Variants in DUXB observed in about 807,000 individuals in gnomAD.
DUXB encodes double homeobox B.
In DUXB, 22 loss-of-function variants were observed where a neutral mutation model predicts 8.9. The ratio of observed to expected loss-of-function variants is 2.46; its 90% CI spans 1.76 to 3.52. The LOEUF is 3.52. Ranked by LOEUF, DUXB falls within the 30% of genes most tolerant of loss-of-function variation. The probability of loss-of-function intolerance (pLI) is 0.00; values close to 1 mark genes in which losing one functional copy is unlikely to be tolerated. For synonymous variants in DUXB, 84 were observed against 37.6 expected, an observed-to-expected ratio of 2.23 and a Z score of -4.52; for missense variants, 237 against 108.7, an observed-to-expected ratio of 2.18 and a Z score of -5.25.
At position 75,696,895 on chromosome 16, in the gene DUXB, A is replaced by C. The variant is rs896315023; in HGVS notation, c.229T>G (p.Cys77Gly). Residue 77 changes from cysteine to glycine, a missense_variant, in exon 3 of 5, where the codon TGC becomes GGC. Physicochemically the swap from Cys to Gly is radical, Grantham distance 159. Transcript: ENST00000633875. Reference protein sequence around the residue: ...RVKQRKLDYKCFSEKDQTQGH... With the variant: ...RVKQRKLDYKGFSEKDQTQGH... ...TGGGTTTGATCTTTTTCTGAGAAGC[A>C]CTTATAATCCAGTTTTCTCTGTTTT... 2.8e-6 allele frequency: 2 copies of C among 702,956 alleles called. No homozygotes were observed. Among genetic ancestry groups the C allele is most frequent in the South Asian group, 1.5e-5 (1 of 67,598 alleles). 43.5% of individuals were successfully genotyped at this position (702,956 alleles called of 1,614,324 possible). A position where few individuals can be genotyped will look rare whatever the true frequency, so the allele number is the denominator to read the frequency against.
rs1457018389 is a variant in DUXB, at chr16:75,695,898, T to C, written c.441+63A>G. The stretch of plus-strand genomic sequence containing the variant: ...CCCAAGTCAGCTGTAAGTTTTTCAA[T>C]AACACCTCCAGGGGGCAGTATCACA... On this transcript the variant is annotated intron_variant, in intron 4 of 4. Transcript: ENST00000633875. 4.4e-6 allele frequency: 3 copies of C among 683,392 alleles called. No individual in the cohort carries two copies. In the Admixed American group the frequency reaches 6.4e-5, roughly 15 times the overall value. The allele number at this position is 683,392 out of a possible 1,614,324, so 42.3% of individuals were successfully genotyped here.
chr16:75,693,952 C>A lies in DUXB; in HGVS notation c.1015G>T (p.Asp339Tyr), dbSNP rs2082581881. 2 of 400,400 alleles carry A rather than the reference C, an allele frequency of 5.0e-6. No individual in the cohort carries two copies. Among genetic ancestry groups the A allele is most frequent in the East Asian group, 7.1e-5 (2 of 28,080 alleles). 24.8% of individuals were successfully genotyped at this position (400,400 alleles called of 1,614,324 possible). Residue 339 changes from aspartate (D) to tyrosine (Y), a missense_variant, in exon 5 of 5, where the codon GAC (aspartate) becomes TAC (tyrosine). Physicochemically the swap from Asp to Tyr is radical, Grantham distance 160 (BLOSUM62 -3). Transcript: ENST00000633875. Reference sequence around the variant, plus strand: ...TCTCAGTGTGTCCCTTTGAGAGGGTCCCATTCAGCAAGCAGAGCCTGGCAG... The same window carrying A: ...TCTCAGTGTGTCCCTTTGAGAGGGTACCATTCAGCAAGCAGAGCCTGGCAG... Reference protein sequence around the residue: ...EICQALLAEWDPLKGTH With the variant: ...EICQALLAEWYPLKGTH
At chr16:75,697,335 A>C (rs896985524) in intron 2 of DUXB, among the ~76,000 whole-genome samples, 2 of 152,236 alleles carry the variant, frequency 1.3e-5, no homozygotes, top group Non-Finnish European at 2.9e-5. Context: ...GTTTCATAAC[A>C]TGCAATACAT....
chr16:75,694,644 A>C, intron 4 of DUXB, 119 bp from the exon 5 acceptor site: 1 of 634,932 alleles, frequency 1.6e-6, no homozygotes, highest in Non-Finnish European at 2.8e-6. Context: ...GTGATTTTAT[A>C]GAGTTGGCTC....
rs1188742295 is a variant in DUXB, at chr16:75,696,102, T to C, written c.300A>G (p.Lys100=). The C allele has an allele frequency of 2.8e-6, 2 of 702,114 alleles. No homozygotes were observed. The highest frequency in any genetic ancestry group is 5.2e-6 in the Non-Finnish European group (2 of 384,980). 43.5% of individuals were successfully genotyped at this position (702,114 alleles called of 1,614,324 possible). Residue 100 remains lysine, a synonymous_variant, in exon 4 of 5, where the codon AAA becomes AAG. Coordinates refer to ENST00000633875, the MANE Select transcript of DUXB (RefSeq NM_001351307.2). The stretch of plus-strand genomic sequence containing the variant: ...TGAATGTCTGTTTTTGTCGGGCTTC[T>C]TTAGGTAAGTATTCTAAAGGAGAAC... ...SQHLTQEYLP[K]EARQKQTFIT... is the part of the protein sequence containing the mutation.
At chr16:75,695,045 T>C (rs1046458314) in intron 4 of DUXB, among the ~76,000 whole-genome samples, 1 of 152,200 alleles carries the variant, frequency 6.6e-6, no homozygotes, top group Non-Finnish European at 1.5e-5. Context: ...TTTATGTGAG[T>C]TTGAGAAAAA....
intron 2 of DUXB, among the ~76,000 whole-genome samples, chr16:75,697,805 G>A (rs1268600096): frequency 2.6e-5 from 4 of 152,134 alleles, no homozygotes; most frequent in South Asian, 2.1e-4. Context: ...CCTAAGCTTC[G>A]CCTCCTGTCA....
At chr16:75,700,601 T>C (rs1392104075) in intron 1 of DUXB, among the ~76,000 whole-genome samples, 1 of 152,086 alleles carries the variant, frequency 6.6e-6, no homozygotes, top group African/African-American at 2.4e-5. Context: ...CACTGCAAGC[T>C]CTGCCTCCCG....
chr16:75,699,367 T>C (rs1423654752), intron 2 of DUXB, among the ~76,000 whole-genome samples: 1 of 152,206 alleles, frequency 6.6e-6, no homozygotes, highest in Non-Finnish European at 1.5e-5. Context: ...AATATTCTAA[T>C]ACTAAAATAT....
chr16:75,701,359 C>G (rs1959208802), intron 1 of DUXB, 35 bp downstream of exon 1: 1 of 398,574 alleles, frequency 2.5e-6, no homozygotes, highest in Non-Finnish European at 4.4e-6. Context: ...ATGCAGCAAT[C>G]CCAAAGAACA....
At chr16:75,699,940 TG>T (rs2151834208) in intron 2 of DUXB, 74 bp downstream of exon 2, 1 of 580,882 alleles carries the variant, frequency 1.7e-6, no homozygotes, top group African/African-American at 1.9e-5. Context: ...ATAAGAGAAT[TG>T]GCAAAAGCGC....
At chr16:75,699,862 TTTTA>T (rs1395940442) in intron 2 of DUXB, among the ~76,000 whole-genome samples, 149 bp downstream of exon 2, 1 of 152,136 alleles carries the variant, frequency 6.6e-6, no homozygotes, top group Non-Finnish European at 1.5e-5. Flanking sequence ...CGCCCAGCCT[TTTTA>T]TTTGTTTTCT....
At chr16:75,697,741 T>A (rs2082620175) in intron 2 of DUXB, among the ~76,000 whole-genome samples, 2 of 152,166 alleles carry the variant, frequency 1.3e-5, no homozygotes. Context: ...CATGGCCTGT[T>A]AGGAACTGGG....
Sources: gnomAD v4.1 joint callset for allele counts (sites outside exome capture counted in the v4.1 genomes callset) on GRCh38, gnomAD v4.1.1 for gene constraint, MANE v1.5 for transcripts, NCBI Gene and HGNC (gene_info 2026-07-23, HGNC 2026-07-21) for gene names.